CHD9: variants seen among roughly 807,000 people sequenced by gnomAD.
The protein encoded by CHD9 is ATP-dependent chromatin remodeler CHD9.
A neutral mutation model predicts 316.1 loss-of-function variants in CHD9; 77 were observed. The observed-to-expected ratio is 0.24, with a 90% confidence interval of 0.20 to 0.29. The LOEUF (loss-of-function observed/expected upper bound fraction) is 0.29. Ranked by LOEUF, CHD9 falls within the 10% of genes least tolerant of loss-of-function variation. CHD9 has a pLI of 1.00. For missense variants in CHD9, 2,763 were observed against 3,438.1 expected (o/e 0.80, Z 4.91); for synonymous variants, 1,129 against 1,158.3 (o/e 0.97, Z 0.51).
At chr16:53,196,284 T>C (rs1009595204) in intron 2 of CHD9, among the ~76,000 whole-genome samples, 1 of 152,214 alleles carries the variant, frequency 6.6e-6, no homozygotes, top group African/African-American at 2.4e-5. Context: ...TTTGGTTCCA[T>C]CACGACAAGG....
At chr16:53,141,345 C>G (rs1335129845) in intron 1 of CHD9, among the ~76,000 whole-genome samples, 1 of 152,118 alleles carries the variant, frequency 6.6e-6, no homozygotes, top group African/African-American at 2.4e-5. Flanking sequence ...GCTATAGGAT[C>G]CCTTGTAGAA....
At position 53,235,503 on chromosome 16, in the gene CHD9, A is replaced by G. The variant is rs192144840; in HGVS notation, c.2633+197A>G. On this transcript the variant is annotated intron_variant, in intron 11 of 38. Transcript: ENST00000447540. ...TGTTTTCTTTAAATGTATACCAATC[A>G]GAATAGAAGAAAGTTGGTATGTTGA... Among the ~76,000 whole-genome samples the G allele has an allele frequency of 1.1e-4, 16 of 152,282 alleles. No individual in the cohort carries two copies. The East Asian group carries it at 2.9e-3, about 28-fold the overall frequency.
intron 24 of CHD9, among the ~76,000 whole-genome samples, chr16:53,277,903 G>T (rs2053014466): frequency 6.6e-6 from 1 of 151,948 alleles, no homozygotes; most frequent in South Asian, 2.1e-4. Context: ...AAAGAATTCA[G>T]CAAAGTTTCA....
intron 2 of CHD9, among the ~76,000 whole-genome samples, chr16:53,193,670 G>C (rs2044662230): frequency 6.6e-6 from 1 of 152,080 alleles, no homozygotes; most frequent in Admixed American, 6.5e-5. Flanking sequence ...TTGAGACTTA[G>C]TTGTATAAGG....
intron 24 of CHD9, among the ~76,000 whole-genome samples, chr16:53,284,691 T>C (rs1476069682): frequency 2.0e-5 from 3 of 152,236 alleles, no homozygotes; most frequent in African/African-American, 7.2e-5. Flanking sequence ...TATGGGTTTA[T>C]TATTTTACTT....
chr16:53,236,042 A>G (rs1386081501), intron 11 of CHD9, among the ~76,000 whole-genome samples: 1 of 152,154 alleles, frequency 6.6e-6, no homozygotes, highest in Admixed American at 6.6e-5. Flanking sequence ...ATGGTGAGTC[A>G]TGGACTCAGT....
chr16:53,296,725 A>G (rs1010167446), intron 29 of CHD9, among the ~76,000 whole-genome samples: 9 of 152,212 alleles, frequency 5.9e-5, no homozygotes, highest in African/African-American at 1.7e-4. Flanking sequence ...GATTACAGGC[A>G]TGAGCCACCG....
rs981235340 is a variant in CHD9, at chr16:53,114,320, C to T, written c.-164-41606C>T. 2.0e-5 allele frequency among the ~76,000 whole-genome samples: 3 copies of T among 151,992 alleles called. 1 individual carries two copies. Among genetic ancestry groups the T allele is most frequent in the Admixed American group, 6.6e-5 (1 of 15,254 alleles). On this transcript the variant is annotated intron_variant, in intron 1 of 38. Coordinates refer to ENST00000447540, the MANE Select transcript of CHD9 (RefSeq NM_001308319.2). ...TTGCCCAGGCTGGAGTGCAGTGGCACGATCTTGGCTCACTGCAACCTCTGC... is the reference window on the plus strand; with the variant it reads ...TTGCCCAGGCTGGAGTGCAGTGGCATGATCTTGGCTCACTGCAACCTCTGC...
intron 1 of CHD9, chr16:53,121,277 TG>T (rs1430942862): frequency 2.3e-6 from 1 of 441,282 alleles, no homozygotes; most frequent in Non-Finnish European, 4.5e-6. Context: ...TTCATCCTTT[TG>T]ATCTCTCCAA....
At position 53,250,021 on chromosome 16, in the gene CHD9, A is replaced by G. The variant is rs1300651912; in HGVS notation, c.3816A>G (p.Thr1272=). Residue 1272 remains threonine, a synonymous_variant, in exon 17 of 39, where the codon ACA becomes ACG. Coordinates refer to ENST00000447540, the MANE Select transcript of CHD9 (RefSeq NM_001308319.2). ...GLGINLTAAD[T]CIIFDSDWNP... is the part of the protein sequence containing the mutation. ...GCATCAACTTAACTGCAGCTGATAC[A>G]TGTATAATTTTTGATTCTGATTGGA... The G allele has an allele frequency of 1.2e-6, 2 of 1,613,508 alleles. No homozygotes were observed. The highest frequency in any genetic ancestry group is 1.7e-6 in the Non-Finnish European group (2 of 1,179,698).
intron 32 of CHD9, 87 bp downstream of exon 32, chr16:53,306,484 A>G: frequency 8.8e-7 from 1 of 1,131,488 alleles, no homozygotes; most frequent in Non-Finnish European, 1.2e-6. Context: ...CTATGTGGAA[A>G]CATAGGTCAG....
In CHD9 at chr16:53,226,417, G is replaced by A. The variant is rs762818172; in HGVS notation, c.1948G>A (p.Glu650Lys). ...AAGAAAAAAATACGCAGAAGATATAGAAGGGAAGCAATCTGAAGAAGAGGT... is the reference window on the plus strand; with the variant it reads ...AAGAAAAAAATACGCAGAAGATATAAAAGGGAAGCAATCTGAAGAAGAGGT... ...IKRKKYAEDI[E>K]GKQSEEEVKG... The change falls in exon 5 of 39, where the codon GAA becomes AAA. Residue 650 changes from glutamate (E) to lysine (K), a missense_variant. Around this residue, in one of 15 missense-constraint regions of CHD9, gnomAD observed 859 missense variants for 890.4 expected, o/e 0.96. Transcript: ENST00000447540. 3.1e-6 allele frequency: 5 copies of A among 1,601,482 alleles called. No individual in the cohort carries two copies. The highest frequency in any genetic ancestry group is 3.5e-5 in the Admixed American group (2 of 57,294).
intron 24 of CHD9, 99 bp from the exon 25 acceptor site, chr16:53,285,497 C>G: frequency 1.9e-6 from 1 of 525,200 alleles, no homozygotes; most frequent in Non-Finnish European, 3.3e-6. Context: ...CCTAAGCTCT[C>G]TCTTGAAAGC....
rs1183299703 is a variant in CHD9 at position 53,156,825 on chromosome 16, A to G, written c.736A>G (p.Ser246Gly). 4 of 1,613,844 alleles carry G rather than the reference A, an allele frequency of 2.5e-6. No individual in the cohort carries two copies. Among genetic ancestry groups the G allele is most frequent in the Non-Finnish European group, 3.4e-6 (4 of 1,179,882 alleles). The part of the protein sequence containing the change: ...NPSAHFHKCS[S>G]HQEGNFNGPS... ...TTCAGCACACTTCCACAAGTGTAGC[A>G]GTCATCAAGAAGGAAATTTTAATGG... Residue 246 changes from serine (S) to glycine (G), a missense_variant, in exon 2 of 39, where the codon AGT becomes GGT. By Grantham distance (56) the Ser-to-Gly change is moderately conservative. Transcript: ENST00000447540.
chr16:53,137,370 TACTG>T (rs2039796555), intron 1 of CHD9, among the ~76,000 whole-genome samples: 1 of 152,214 alleles, frequency 6.6e-6, no homozygotes, highest in Non-Finnish European at 1.5e-5. Context: ...TTATGAATAA[TACTG>T]ATATGAACAT....
chr16:53,138,609 G>T (rs1184490466), intron 1 of CHD9, among the ~76,000 whole-genome samples: 3 of 152,194 alleles, frequency 2.0e-5, no homozygotes, highest in Non-Finnish European at 2.9e-5. Flanking sequence ...TGTAATAAAT[G>T]GGGACACATG....
intron 4 of CHD9, among the ~76,000 whole-genome samples, chr16:53,223,217 G>A (rs748792107): frequency 6.7e-5 from 10 of 149,068 alleles, no homozygotes; most frequent in East Asian, 1.9e-4. Context: ...TAAAAATCCC[G>A]TAACATAGAC....
chr16:53,274,548 T>C (rs2052603089), intron 24 of CHD9, among the ~76,000 whole-genome samples: 1 of 152,014 alleles, frequency 6.6e-6, no homozygotes, highest in South Asian at 2.1e-4. Flanking sequence ...CTCCGCCTCC[T>C]GGGTTTAAGC....
intron 19 of CHD9, among the ~76,000 whole-genome samples, chr16:53,260,159 A>C (rs1042514133): frequency 5.9e-5 from 9 of 152,144 alleles, no homozygotes; most frequent in Non-Finnish European, 1.2e-4. Flanking sequence ...TTGTTTTATC[A>C]AACTAGTTAG....
Sources: gnomAD v4.1 joint callset for allele counts (sites outside exome capture counted in the v4.1 genomes callset) on GRCh38, gnomAD v4.1.1 for gene constraint, gnomAD v4.1.1 regional missense constraint, MANE v1.5 for transcripts, NCBI Gene and HGNC (gene_info 2026-07-23, HGNC 2026-07-21) for gene names.